The following ADAMTSL3 variants were observed in gnomAD, a reference collection of about 807,000 sequenced individuals.
The protein encoded by ADAMTSL3 is ADAMTS like 3.
Under a neutral mutation model 201.7 loss-of-function variants are expected in ADAMTSL3, and 128 were observed. The observed-to-expected ratio is 0.63, with a 90% confidence interval of 0.55 to 0.73. ADAMTSL3 has a LOEUF of 0.73. Among genes scored for constraint, ADAMTSL3 ranks in the 30% least tolerant of loss-of-function variants. ADAMTSL3 has a pLI of 0.00. For missense variants in ADAMTSL3, 1,990 were observed against 2,119.6 expected (o/e 0.94, Z 1.20); for synonymous variants, 738 against 748.4 (o/e 0.99, Z 0.23).
chr15:83,677,294 G>T (rs2061420184), intron 2 of ADAMTSL3, among the ~76,000 whole-genome samples: 1 of 151,994 alleles, frequency 6.6e-6, no homozygotes, highest in Non-Finnish European at 1.5e-5. Context: ...AGATTTTGTT[G>T]GTTGATGGCG....
At chr15:84,002,828 T>C (rs1019996961) in intron 23 of ADAMTSL3, among the ~76,000 whole-genome samples, 1 of 152,172 alleles carries the variant, frequency 6.6e-6, no homozygotes, top group Non-Finnish European at 1.5e-5. Flanking sequence ...CATGGCAGAT[T>C]CCTACTGCCA....
At chr15:83,922,659 C>G (rs2066168533) in intron 16 of ADAMTSL3, among the ~76,000 whole-genome samples, 1 of 152,172 alleles carries the variant, frequency 6.6e-6, no homozygotes, top group Non-Finnish European at 1.5e-5. Context: ...AGATTTAATA[C>G]TGCATCCTGC....
At position 83,890,136 on chromosome 15, in the gene ADAMTSL3, T is replaced by G; in HGVS notation, c.1100T>G (p.Val367Gly). The change falls in exon 11 of 30, where the codon GTG becomes GGG. Residue 367 changes from valine to glycine, a missense_variant. Val to Gly is a moderately radical substitution (Grantham distance 109). Coordinates refer to ENST00000286744, the MANE Select transcript of ADAMTSL3 (RefSeq NM_207517.3). ...TATCAGCTCAATTCTGCTGAATGTG[T>G]GGATATCCGCTTGAAGAGGGTAGTT... ...GGYQLNSAEC[V>G]DIRLKRVVPD... is the part of the protein sequence containing the mutation. 1.2e-6 allele frequency: 2 copies of G among 1,613,686 alleles called. No individual in the cohort carries two copies. The highest frequency in any genetic ancestry group is 1.7e-6 in the Non-Finnish European group (2 of 1,179,790).
At chr15:84,008,263 T>G (rs545653274) in intron 23 of ADAMTSL3, among the ~76,000 whole-genome samples, 28 of 152,020 alleles carry the variant, frequency 1.8e-4, no homozygotes, top group Admixed American at 7.9e-4. Context: ...GCTAAATGTT[T>G]TTTGTATTTT....
At chr15:83,675,136 G>T (rs1200282419) in intron 2 of ADAMTSL3, among the ~76,000 whole-genome samples, 6 of 151,932 alleles carry the variant, frequency 3.9e-5, no homozygotes, top group African/African-American at 1.4e-4. Context: ...TTCTAGGAAG[G>T]GTTCTTTTTT....
intron 9 of ADAMTSL3, among the ~76,000 whole-genome samples, chr15:83,883,172 T>G (rs1596352525): frequency 1.3e-5 from 2 of 151,106 alleles, no homozygotes; most frequent in African/African-American, 4.8e-5. Context: ...TTATTTTATT[T>G]TATTTTATTT....
intron 15 of ADAMTSL3, among the ~76,000 whole-genome samples, chr15:83,903,777 G>T (rs964152185): frequency 4.0e-5 from 6 of 151,088 alleles, no homozygotes; most frequent in Admixed American, 4.0e-4. Context: ...AATTAGCCGG[G>T]TGTGGTGGTA....
intron 6 of ADAMTSL3, among the ~76,000 whole-genome samples, chr15:83,835,940 G>A (rs1445022398): frequency 6.6e-6 from 1 of 152,052 alleles, no homozygotes; most frequent in Non-Finnish European, 1.5e-5. Flanking sequence ...GTGTAATATT[G>A]GCAAATCATT....
Position 83,738,765 on chromosome 15 carries a change from A to G in ADAMTSL3, c.189+34257A>G, listed in dbSNP as rs2062407579. ...AAAAAAATTAGCCAGGCATGGTGGC[A>G]GGCACTTGTAATCCCAGCTACTTGG... On this transcript the variant is annotated intron_variant, in intron 3 of 29. Coordinates refer to ENST00000286744, the MANE Select transcript of ADAMTSL3 (RefSeq NM_207517.3). Among the ~76,000 whole-genome samples, 3 of 151,832 alleles carry G rather than the reference A, an allele frequency of 2.0e-5. No individual in the cohort carries two copies. In the South Asian group the frequency reaches 6.2e-4, roughly 32 times the overall value.
chr15:83,820,871 T>C (rs2063852313), intron 6 of ADAMTSL3, among the ~76,000 whole-genome samples: 1 of 151,902 alleles, frequency 6.6e-6, no homozygotes, highest in Non-Finnish European at 1.5e-5. Context: ...GGTCAGGAGA[T>C]CAAGACCAGC....
intron 7 of ADAMTSL3, among the ~76,000 whole-genome samples, chr15:83,856,406 G>A (rs2064734391): frequency 1.3e-5 from 2 of 151,970 alleles, no homozygotes; most frequent in South Asian, 4.2e-4. Context: ...CGAACTCCTG[G>A]GCTCAAGCCA....
chr15:83,774,636 AAGCATTG>A (rs1269575035), intron 4 of ADAMTSL3, among the ~76,000 whole-genome samples: 4 of 152,290 alleles, frequency 2.6e-5, no homozygotes, highest in African/African-American at 9.6e-5. Context: ...AGCTTCAGTA[AAGCATTG>A]GAGAACTAAA....
At chr15:83,730,964 A>G (rs1353795317) in intron 3 of ADAMTSL3, among the ~76,000 whole-genome samples, 1 of 152,102 alleles carries the variant, frequency 6.6e-6, no homozygotes, top group East Asian at 1.9e-4. Flanking sequence ...GGTGTAAGAT[A>G]AGGGTTCAAT....
chr15:83,963,357 C>A (rs537443211), intron 19 of ADAMTSL3, among the ~76,000 whole-genome samples: 1 of 152,236 alleles, frequency 6.6e-6, no homozygotes, highest in African/African-American at 2.4e-5. Context: ...CTTGAGTAGG[C>A]AGCTTACCCC....
chr15:83,901,554 G>A (rs1239776007), intron 15 of ADAMTSL3, among the ~76,000 whole-genome samples: 1 of 152,190 alleles, frequency 6.6e-6, no homozygotes, highest in Non-Finnish European at 1.5e-5. Flanking sequence ...CAAAAAAGAA[G>A]AAAACGGAGC....
chr15:83,779,374 C>T (rs976408599), intron 4 of ADAMTSL3, among the ~76,000 whole-genome samples: 1 of 152,092 alleles, frequency 6.6e-6, no homozygotes, highest in African/African-American at 2.4e-5. Flanking sequence ...GTAAAACACT[C>T]CTCAGCAAAG....
At chr15:83,841,658 GA>G (rs2064376096) in intron 7 of ADAMTSL3, among the ~76,000 whole-genome samples, 1 of 151,896 alleles carries the variant, frequency 6.6e-6, no homozygotes, top group South Asian at 2.1e-4. Context: ...ACTGATACGG[GA>G]GGGGGGGCAG....
At chr15:83,673,921 T>C (rs1474117650) in intron 2 of ADAMTSL3, among the ~76,000 whole-genome samples, 1 of 152,222 alleles carries the variant, frequency 6.6e-6, no homozygotes, top group African/African-American at 2.4e-5. Context: ...CTCTGCTTTC[T>C]GTTTGTAAGG....
chr15:84,031,493 T>A, intron 28 of ADAMTSL3, 61 bp downstream of exon 28: 1 of 1,430,840 alleles, frequency 7.0e-7, no homozygotes, highest in Non-Finnish European at 9.8e-7. Context: ...ACAATGATTA[T>A]AACTGCCTGA....
Sources: gnomAD v4.1 joint callset for allele counts (sites outside exome capture counted in the v4.1 genomes callset) on GRCh38, gnomAD v4.1.1 for gene constraint, MANE v1.5 for transcripts, NCBI Gene and HGNC (gene_info 2026-07-23, HGNC 2026-07-21) for gene names.